KIF27: variants seen among roughly 807,000 people sequenced by gnomAD.
KIF27 encodes kinesin family member 27.
KIF27 carries 84 observed loss-of-function variants against 141.8 expected under a neutral mutation model. The observed-to-expected ratio is 0.59, with a 90% CI of 0.50 to 0.71. The LOEUF (loss-of-function observed/expected upper bound fraction) is 0.71. Ranked by LOEUF, KIF27 falls within the 30% of genes least tolerant of loss-of-function variation. KIF27 has a pLI of 0.00. For missense variants in KIF27, 1,306 were observed against 1,628.4 expected (o/e 0.80, Z 3.41); for synonymous variants, 471 against 569.5 (o/e 0.83, Z 2.46).
chr9:83,921,012 G>A (rs1956218349), intron 1 of KIF27, among the ~76,000 whole-genome samples: 1 of 152,150 alleles, frequency 6.6e-6, no homozygotes, highest in Non-Finnish European at 1.5e-5. Context: ...GACACGAGAC[G>A]AACACAGGGT....
chr9:83,888,336 A>C (rs144800998), intron 8 of KIF27, among the ~76,000 whole-genome samples, 153 bp downstream of exon 8: 3 of 152,236 alleles, frequency 2.0e-5, no homozygotes. Flanking sequence ...GAGGTAAAAC[A>C]GAGAACATAA....
intron 11 of KIF27, among the ~76,000 whole-genome samples, chr9:83,875,630 T>C (rs1479196902): frequency 6.6e-6 from 1 of 152,070 alleles, no homozygotes; most frequent in Non-Finnish European, 1.5e-5. Context: ...TAGGATGAGC[T>C]AGCCAAGACA....
intron 3 of KIF27, among the ~76,000 whole-genome samples, chr9:83,907,361 T>C (rs1226909228): frequency 6.6e-6 from 1 of 150,506 alleles, no homozygotes; most frequent in African/African-American, 2.4e-5. Flanking sequence ...AGAAAAATAA[T>C]TCTGGAAGGA....
chr9:83,904,537 T>G (rs567741557), intron 3 of KIF27, among the ~76,000 whole-genome samples: 12 of 152,082 alleles, frequency 7.9e-5, no homozygotes, highest in African/African-American at 2.9e-4. Flanking sequence ...CCTGGCTAAT[T>G]TTTTTGTATT....
chr9:83,849,880 G>T (rs1425080651), intron 16 of KIF27, among the ~76,000 whole-genome samples: 8 of 152,148 alleles, frequency 5.3e-5, no homozygotes, highest in African/African-American at 1.9e-4. Flanking sequence ...TGTGCATACT[G>T]GAGGCAGGCA....
rs200384372 is a variant in KIF27, at chr9:83,889,224, C to A, written c.1839G>T (p.Leu613=). The A allele has an allele frequency of 6.2e-7, 1 of 1,613,336 alleles. No homozygotes were observed. Among genetic ancestry groups the A allele is most frequent in the Admixed American group, 1.7e-5 (1 of 59,976 alleles). The change falls in exon 7 of 18, where the codon CTG becomes CTT. Residue 613 remains leucine (L), a synonymous_variant. Transcript: ENST00000297814. ...TTCGAAATCCAGCAAATATTCGATC[C>A]AGAGAGTACATAGGCGGACTTGTGT... ...KVHTSPPMYS[L]DRIFAGFRTR...
At chr9:83,896,670 GTTAA>G (rs1370802056) in intron 5 of KIF27, among the ~76,000 whole-genome samples, 2 of 152,162 alleles carry the variant, frequency 1.3e-5, no homozygotes, top group African/African-American at 2.4e-5. Context: ...GTAATTTAAT[GTTAA>G]TTAATGTTAA....
chr9:83,878,161 CAAAAAAAAAAAAA>C (rs58897060), intron 11 of KIF27, among the ~76,000 whole-genome samples: 5 of 38,454 alleles, frequency 1.3e-4, no homozygotes, highest in South Asian at 1.3e-3. Flanking sequence ...GACTCTGTCT[CAAAAAAAAAAAAA>C]AAAAAAAAAA....
chr9:83,843,751 C>CA (rs1946863483), intron 16 of KIF27, among the ~76,000 whole-genome samples: 1 of 152,170 alleles, frequency 6.6e-6, no homozygotes, highest in Non-Finnish European at 1.5e-5. Flanking sequence ...GACAGCATCT[C>CA]ACCCTGTTGC....
intron 16 of KIF27, chr9:83,848,029 ATATC>A (rs1428277501): frequency 1.7e-5 from 2 of 118,774 alleles, no homozygotes; most frequent in Non-Finnish European, 3.4e-5. Flanking sequence ...TGCTATATCT[ATATC>A]TATATATATC....
intron 3 of KIF27, among the ~76,000 whole-genome samples, chr9:83,905,589 G>A (rs1198244649): frequency 5.3e-5 from 8 of 152,054 alleles, no homozygotes; most frequent in Admixed American, 5.2e-4. Context: ...TTTCCATCAT[G>A]ACACTTTTTA....
intron 13 of KIF27, 113 bp from the exon 14 acceptor site, chr9:83,859,484 ATAT>A (rs1229170057): frequency 1.4e-6 from 1 of 725,266 alleles, no homozygotes; most frequent in East Asian, 2.7e-5. Context: ...TTTAGTTTTT[ATAT>A]TATTGTTTTC....
intron 9 of KIF27, among the ~76,000 whole-genome samples, chr9:83,885,955 T>TC (rs1952067026): frequency 6.6e-6 from 1 of 151,746 alleles, no homozygotes; most frequent in Admixed American, 6.6e-5. Context: ...TGTTGTTTTT[T>TC]TTTTTTGACA....
intron 16 of KIF27, chr9:83,847,942 T>TTACA (rs1226956319): frequency 7.2e-6 from 1 of 139,814 alleles, no homozygotes; most frequent in African/African-American, 2.7e-5. Context: ...CCCTTTATGT[T>TTACA]TATATATATA....
At chr9:83,884,436 T>A (rs1951924119) in intron 9 of KIF27, among the ~76,000 whole-genome samples, 1 of 152,134 alleles carries the variant, frequency 6.6e-6, no homozygotes, top group African/African-American at 2.4e-5. Context: ...TTATGAAAAT[T>A]TTAAAATACA....
Position 83,842,374 on chromosome 9 carries a change from G to A in KIF27, c.3584C>T (p.Thr1195Ile). The A allele has an allele frequency of 6.6e-7, 1 of 1,524,330 alleles. No homozygotes were observed. Among genetic ancestry groups the A allele is most frequent in the Non-Finnish European group, 8.7e-7 (1 of 1,143,480 alleles). The allele number at this position is 1,524,330 out of a possible 1,614,324, so 94.4% of individuals were successfully genotyped here. ...KEQDGEGIME[T>I]FKTYEDKIQQ... is the part of the protein sequence containing the mutation. ...GATTTTATCTTCATATGTTTTGAAA[G>A]TTTCCATAATGCCTTCTCCATCTTG... is the stretch of plus-strand genomic sequence containing the variant. Residue 1195 changes from threonine to isoleucine, a missense_variant, in exon 17 of 18, where the codon ACT becomes ATT. Thr to Ile is a moderately conservative substitution (Grantham distance 89). Around this residue, in one of 4 missense-constraint regions of KIF27, gnomAD observed 148 missense variants for 250.9 expected, o/e 0.59. Coordinates refer to ENST00000297814, the MANE Select transcript of KIF27 (RefSeq NM_017576.4).
chr9:83,891,307 T>C lies in KIF27; in HGVS notation c.1797A>G (p.Gln599=). 1 of 1,611,140 alleles carries C rather than the reference T, an allele frequency of 6.2e-7. No homozygotes were observed. Among genetic ancestry groups the C allele is most frequent in the Non-Finnish European group, 8.5e-7 (1 of 1,178,788 alleles). Residue 599 remains glutamine, a synonymous_variant, in exon 6 of 18, where the codon CAA becomes CAG. Coordinates refer to ENST00000297814, the MANE Select transcript of KIF27 (RefSeq NM_017576.4). ...GTTTGGACTTTACCTTCCTGGAATC[T>C]TGTCTTGATGGGATATAAATATAAT... is the stretch of plus-strand genomic sequence containing the variant. ...LGHYIYIPSR[Q]DSRKVHTSPP...
At position 83,848,101 on chromosome 9, in the gene KIF27, T is replaced by G. The variant is rs1252883746; in HGVS notation, c.3556+1998A>C. ...TGATATATCATATATATGATATATA[T>G]GATATCTCATATCTGATATATCTGA... On this transcript the variant is annotated intron_variant, in intron 16 of 17. Transcript: ENST00000297814. Among the ~76,000 whole-genome samples, 18 of 61,296 alleles carry G rather than the reference T, an allele frequency of 2.9e-4. 3 individuals carry two copies. The allele number at this position is 61,296 out of a possible 152,430, so 40.2% of individuals were successfully genotyped here.
rs541331114 is a variant in KIF27 at position 83,891,559 on chromosome 9, T to C, written c.1603-58A>G. 2.3e-5 allele frequency: 33 copies of C among 1,453,654 alleles called. No homozygotes were observed. In the South Asian group the frequency reaches 4.2e-4, roughly 18 times the overall value. 90.0% of individuals were successfully genotyped at this position (1,453,654 alleles called of 1,614,324 possible). On this transcript the variant is annotated intron_variant, in intron 5 of 17. Coordinates refer to ENST00000297814, the MANE Select transcript of KIF27 (RefSeq NM_017576.4). ...AGAGCACTTCAGTACATTTAGATTA[T>C]GATTAAAAATGAATTTTACATTGAC... is the stretch of plus-strand genomic sequence containing the variant.
Sources: allele counts gnomAD v4.1 joint callset (sites outside exome capture counted in the v4.1 genomes callset), GRCh38; gene constraint gnomAD v4.1.1; regional missense constraint gnomAD v4.1.1; transcripts MANE v1.5; gene names NCBI Gene and HGNC (gene_info 2026-07-23, HGNC 2026-07-21).